The following COL11A1 variants were observed in gnomAD, a reference collection of about 807,000 sequenced individuals.
The protein encoded by COL11A1 is collagen alpha-1(XI) chain.
In COL11A1, 74 loss-of-function variants were observed where a neutral mutation model predicts 265.2. The observed-to-expected ratio is 0.28, with a 90% confidence interval of 0.23 to 0.34. The LOEUF is 0.34. COL11A1 is among the 10% of genes least tolerant of loss of function. The probability of loss-of-function intolerance (pLI) is 1.00; values close to 1 mark genes in which losing one functional copy is unlikely to be tolerated. For missense variants in COL11A1, 2,165 were observed against 2,263.6 expected (o/e 0.96, Z 0.88); for synonymous variants, 816 against 727.6 (o/e 1.12, Z -1.96).
intron 12 of COL11A1, among the ~76,000 whole-genome samples, chr1:103,015,289 GAAT>G (rs1236795382): frequency 1.3e-5 from 2 of 151,782 alleles, no homozygotes. Flanking sequence ...TTTGAGCAAT[GAAT>G]AATAACACTA....
intron 41 of COL11A1, among the ~76,000 whole-genome samples, chr1:102,949,277 ACTT>A (rs1302478220): frequency 6.6e-6 from 1 of 150,426 alleles, no homozygotes; most frequent in African/African-American, 2.5e-5. Flanking sequence ...TTAGTATTTC[ACTT>A]CTAACCCTCA....
At chr1:103,058,342 C>T (rs1020249259) in intron 4 of COL11A1, among the ~76,000 whole-genome samples, 1 of 152,158 alleles carries the variant, frequency 6.6e-6, no homozygotes, top group Non-Finnish European at 1.5e-5. Flanking sequence ...CTGGTTTGAT[C>T]TTCTATTAGA....
chr1:103,032,324 A>C (rs1371494124), intron 4 of COL11A1, among the ~76,000 whole-genome samples: 1 of 152,148 alleles, frequency 6.6e-6, no homozygotes, highest in East Asian at 1.9e-4. Flanking sequence ...AAAAATCTTT[A>C]AAAATTAAAG....
In COL11A1 at chr1:103,006,391, T is replaced by C. The variant is rs139492428; in HGVS notation, c.1684-76A>G. The C allele has an allele frequency of 2.8e-3, 3,054 of 1,084,958 alleles. 56 individuals carry two copies. In the African/African-American group the frequency reaches 0.043, roughly 15 times the overall value. The allele number at this position is 1,084,958 out of a possible 1,614,324, so 67.2% of individuals were successfully genotyped here. ...AACTCAATAGCATCAAGAGAGATGG[T>C]TTCAGAAACTAATATCCTCTTAGCG... On this transcript the variant is annotated intron_variant, in intron 15 of 66. Transcript: ENST00000370096.
chr1:102,902,277 T>C (rs2100949232), intron 54 of COL11A1, among the ~76,000 whole-genome samples: 1 of 152,248 alleles, frequency 6.6e-6, no homozygotes, highest in South Asian at 2.1e-4. Context: ...ATGTGGTGAC[T>C]TGAGAGTTAG....
At chr1:102,910,757 A>G (rs1021212054) in intron 54 of COL11A1, among the ~76,000 whole-genome samples, 1 of 152,112 alleles carries the variant, frequency 6.6e-6, no homozygotes, top group African/African-American at 2.4e-5. Flanking sequence ...AACAGAAAAT[A>G]CACAATTTGC....
At chr1:102,915,111 G>A (rs995991359) in intron 50 of COL11A1, among the ~76,000 whole-genome samples, 7 of 152,018 alleles carry the variant, frequency 4.6e-5, no homozygotes, top group Admixed American at 1.3e-4. Context: ...TTACCACGTT[G>A]GGCCAGACAA....
chr1:102,961,775 A>T (rs1340939995), intron 41 of COL11A1, 91 bp downstream of exon 41: 9 of 1,203,038 alleles, frequency 7.5e-6, no homozygotes, highest in Admixed American at 1.9e-5. Context: ...TTTCTCTCCC[A>T]CACACTGTGG....
At chr1:103,056,224 C>T (rs1364607036) in intron 4 of COL11A1, among the ~76,000 whole-genome samples, 1 of 152,032 alleles carries the variant, frequency 6.6e-6, no homozygotes, top group Non-Finnish European at 1.5e-5. Context: ...GTACGGGAAT[C>T]TGAGATGAGA....
chr1:103,026,173 G>A (rs773576410), intron 6 of COL11A1, 43 bp downstream of exon 6: 10 of 1,392,384 alleles, frequency 7.2e-6, no homozygotes, highest in South Asian at 2.3e-5. Context: ...ACAGGATGAC[G>A]AACAGCAGGA....
chr1:102,931,283 G>T (rs1657403038), intron 46 of COL11A1, among the ~76,000 whole-genome samples: 1 of 151,406 alleles, frequency 6.6e-6, no homozygotes, highest in Non-Finnish European at 1.5e-5. Flanking sequence ...AGAGATTCTG[G>T]TATATTGTGT....
intron 38 of COL11A1, among the ~76,000 whole-genome samples, chr1:102,963,895 T>G (rs769348928): frequency 1.1e-4 from 17 of 152,066 alleles, no homozygotes; most frequent in Non-Finnish European, 1.9e-4. Context: ...ACATAACTGT[T>G]TAAAGAAAAG....
intron 49 of COL11A1, among the ~76,000 whole-genome samples, chr1:102,917,450 C>G (rs1311287893): frequency 6.6e-6 from 1 of 151,750 alleles, no homozygotes; most frequent in East Asian, 1.9e-4. Context: ...TGACTAAGAC[C>G]TCAAAAGCAC....
chr1:103,047,970 A>G (rs1669445668), intron 4 of COL11A1, among the ~76,000 whole-genome samples: 1 of 152,174 alleles, frequency 6.6e-6, no homozygotes, highest in East Asian at 1.9e-4. Flanking sequence ...ATCATGGTGG[A>G]TAAGCTTTTT....
intron 62 of COL11A1, 115 bp from the exon 63 acceptor site, chr1:102,887,171 T>C: frequency 7.7e-7 from 1 of 1,293,070 alleles, no homozygotes; most frequent in Non-Finnish European, 1.1e-6. Flanking sequence ...TAGCTTTTCA[T>C]TAGCTACAAA....
At position 102,877,772 on chromosome 1, in the gene COL11A1, T is replaced by C. The variant is rs1165265630; in HGVS notation, c.*247A>G. The C allele has an allele frequency of 2.4e-6, 1 of 408,780 alleles. No homozygotes were observed. The allele number at this position is 408,780 out of a possible 1,614,324, so 25.3% of individuals were successfully genotyped here. ...AGAAATTCAAATAGGAAAAGGAGAG[T>C]TGAGAATTGGGAATCAAGAATCAGC... On this transcript the variant is annotated 3_prime_UTR_variant, in exon 67 of 67. Coordinates refer to ENST00000370096, the MANE Select transcript of COL11A1 (RefSeq NM_001854.4).
At chr1:102,971,257 T>C (rs1661957545) in intron 36 of COL11A1, among the ~76,000 whole-genome samples, 1 of 152,188 alleles carries the variant, frequency 6.6e-6, no homozygotes, top group South Asian at 2.1e-4. Flanking sequence ...GTCTTTGTCA[T>C]GGCTTAAGAA....
chr1:103,045,804 T>C (rs1160414540), intron 4 of COL11A1, among the ~76,000 whole-genome samples: 2 of 144,556 alleles, frequency 1.4e-5, no homozygotes, highest in Non-Finnish European at 3.0e-5. Flanking sequence ...GTGTGTGACG[T>C]TCCCCTTCCT....
chr1:102,904,995 T>C (rs192531419), intron 54 of COL11A1, among the ~76,000 whole-genome samples: 2 of 151,998 alleles, frequency 1.3e-5, no homozygotes, highest in East Asian at 3.9e-4. Context: ...AACAATAGAC[T>C]GGATTAAGAA....
Sources: gnomAD v4.1 joint callset for allele counts (sites outside exome capture counted in the v4.1 genomes callset) on GRCh38, gnomAD v4.1.1 for gene constraint, MANE v1.5 for transcripts, NCBI Gene and HGNC (gene_info 2026-07-23, HGNC 2026-07-21) for gene names.